RFX3: variants seen among roughly 807,000 people sequenced by gnomAD.
RFX3 encodes the protein transcription factor RFX3.
RFX3 carries 14 observed loss-of-function variants against 98.6 expected under a neutral mutation model. The ratio of observed to expected loss-of-function variants is 0.14; its 90% CI spans 0.09 to 0.22. RFX3 has a LOEUF of 0.22. Among genes scored for constraint, RFX3 ranks in the 10% least tolerant of loss-of-function variants. The pLI is 1.00. For missense variants in RFX3, 639 were observed against 926.9 expected (o/e 0.69, Z 4.03); for synonymous variants, 383 against 328.4 (o/e 1.17, Z -1.80).
chr9:3,407,303 C>T (rs2132112020), intron 1 of RFX3, among the ~76,000 whole-genome samples: 1 of 152,186 alleles, frequency 6.6e-6, no homozygotes, highest in African/African-American at 2.4e-5. Context: ...TTAGTTAACA[C>T]ATTTATGTAA....
At chr9:3,432,273 C>G (rs1197198419) in intron 1 of RFX3, among the ~76,000 whole-genome samples, 1 of 152,122 alleles carries the variant, frequency 6.6e-6, no homozygotes, top group Non-Finnish European at 1.5e-5. Context: ...AACTGATCTA[C>G]TTGCCCCCAA....
At chr9:3,309,722 A>C (rs1381536691) in intron 4 of RFX3, among the ~76,000 whole-genome samples, 1 of 152,164 alleles carries the variant, frequency 6.6e-6, no homozygotes, top group Non-Finnish European at 1.5e-5. Context: ...GAAAAGAAAA[A>C]ACACATTTTC....
intron 6 of RFX3, among the ~76,000 whole-genome samples, chr9:3,292,312 G>C (rs907309033): frequency 3.9e-5 from 6 of 151,904 alleles, no homozygotes; most frequent in African/African-American, 1.5e-4. Flanking sequence ...TGAAGCCCCA[G>C]AGTTCTAAGT....
intron 1 of RFX3, among the ~76,000 whole-genome samples, chr9:3,468,344 C>A (rs1237298183): frequency 6.6e-6 from 1 of 152,078 alleles, no homozygotes; most frequent in Non-Finnish European, 1.5e-5. Flanking sequence ...TCCATCTGTG[C>A]CCCTCACCCA....
intron 2 of RFX3, among the ~76,000 whole-genome samples, chr9:3,359,104 G>A (rs144913675): frequency 1.0e-3 from 153 of 151,844 alleles, no homozygotes; most frequent in African/African-American, 3.5e-3. Flanking sequence ...CCCTTGAAAC[G>A]ATTTGGTGAA....
chr9:3,280,899 G>A (rs1586860914), intron 7 of RFX3, among the ~76,000 whole-genome samples: 2 of 151,692 alleles, frequency 1.3e-5, no homozygotes, highest in African/African-American at 4.8e-5. Flanking sequence ...ATTAATATTA[G>A]AAAAACATCA....
chr9:3,391,626 G>A (rs1018432848), intron 2 of RFX3, among the ~76,000 whole-genome samples: 7 of 152,174 alleles, frequency 4.6e-5, no homozygotes, highest in African/African-American at 1.7e-4. Flanking sequence ...TGGTCCAGGT[G>A]TACACAAGAT....
At chr9:3,299,578 T>C (rs1828402543) in intron 5 of RFX3, among the ~76,000 whole-genome samples, 1 of 151,810 alleles carries the variant, frequency 6.6e-6, no homozygotes, top group African/African-American at 2.4e-5. Context: ...GCGCCCACTC[T>C]TTCCACATAC....
chr9:3,334,623 G>A (rs1033945019), intron 3 of RFX3, among the ~76,000 whole-genome samples: 2 of 151,898 alleles, frequency 1.3e-5, no homozygotes, highest in African/African-American at 2.4e-5. Flanking sequence ...TCACTCCATC[G>A]TGCGACTGTG....
At chr9:3,509,519 T>C (rs949383712) in intron 1 of RFX3, among the ~76,000 whole-genome samples, 1 of 151,950 alleles carries the variant, frequency 6.6e-6, no homozygotes, top group Admixed American at 6.6e-5. Flanking sequence ...AAATATACAA[T>C]ATTTTTCTTT....
chr9:3,236,256 C>T (rs570516424), intron 15 of RFX3, among the ~76,000 whole-genome samples: 1 of 152,196 alleles, frequency 6.6e-6, no homozygotes, highest in South Asian at 2.1e-4. Flanking sequence ...ATTTCAAGGC[C>T]TAGGCTGTTG....
At chr9:3,398,111 A>T (rs1254525682) in intron 1 of RFX3, among the ~76,000 whole-genome samples, 1 of 152,138 alleles carries the variant, frequency 6.6e-6, no homozygotes. Context: ...GGTTTATTTA[A>T]ATGTAGTACT....
In RFX3 at chr9:3,221,550, C is replaced by T. The variant is rs938208271; in HGVS notation, c.*3492G>A. ...GCTATACAGTACAAGAAAAATCACA[C>T]AAAGGAAAGCAGATTTCTGAAAAGG... On this transcript the variant is annotated 3_prime_UTR_variant, in exon 17 of 17. Coordinates refer to ENST00000617270, the MANE Select transcript of RFX3 (RefSeq NM_001282116.2). The T allele has an allele frequency of 2.0e-5, 3 of 152,070 alleles. No individual in the cohort carries two copies. The highest frequency in any genetic ancestry group is 1.3e-4 in the Admixed American group (2 of 15,260). 9.4% of individuals were successfully genotyped at this position (152,070 alleles called of 1,614,324 possible). A position where few individuals can be genotyped will look rare whatever the true frequency, so the allele number is the denominator to read the frequency against.
At chr9:3,284,240 C>T (rs1342065767) in intron 7 of RFX3, among the ~76,000 whole-genome samples, 3 of 151,564 alleles carry the variant, frequency 2.0e-5, no homozygotes, top group Admixed American at 6.6e-5. Flanking sequence ...AATATACATG[C>T]CAATACTCTC....
intron 1 of RFX3, among the ~76,000 whole-genome samples, chr9:3,465,458 C>CTTTTTTTTTTTTTTTTT (rs34093115): frequency 7.7e-6 from 1 of 129,686 alleles, no homozygotes. Context: ...GCCCAGGTAA[C>CTTTTTTTTTTTTTTTTT]TTTTTTTTTT....
chr9:3,422,118 A>T (rs540360276), intron 1 of RFX3, among the ~76,000 whole-genome samples: 153 of 152,320 alleles, frequency 1.0e-3, no homozygotes, highest in African/African-American at 3.4e-3. Context: ...GTATGACAAG[A>T]GGCTGGAGAA....
chr9:3,295,596 G>C (rs1419441621), intron 5 of RFX3, among the ~76,000 whole-genome samples: 1 of 152,060 alleles, frequency 6.6e-6, no homozygotes, highest in African/African-American at 2.4e-5. Flanking sequence ...AACTAATGAA[G>C]TTTCCACATC....
intron 1 of RFX3, among the ~76,000 whole-genome samples, chr9:3,518,281 C>T (rs537164174): frequency 1.1e-4 from 16 of 152,246 alleles, no homozygotes; most frequent in Admixed American, 9.2e-4. Context: ...AATCACATTT[C>T]CTAAACTTTT....
chr9:3,336,035 A>G (rs1833139006), intron 3 of RFX3, among the ~76,000 whole-genome samples: 1 of 152,072 alleles, frequency 6.6e-6, no homozygotes, highest in South Asian at 2.1e-4. Flanking sequence ...TTTATTTTGT[A>G]TTTTACCAAG....
Sources: gnomAD v4.1 joint callset for allele counts (sites outside exome capture counted in the v4.1 genomes callset) on GRCh38, gnomAD v4.1.1 for gene constraint, MANE v1.5 for transcripts, NCBI Gene and HGNC (gene_info 2026-07-23, HGNC 2026-07-21) for gene names.